The following MGAT4C variants were observed in gnomAD, a reference collection of about 807,000 sequenced individuals.
MGAT4C encodes MGAT4 family member C.
MGAT4C carries 19 observed loss-of-function variants against 40.1 expected under a neutral mutation model. The observed-to-expected ratio is 0.47, with a 90% CI of 0.33 to 0.70. The LOEUF is 0.70. MGAT4C is among the 30% of genes least tolerant of loss of function. The pLI, the probability that MGAT4C is intolerant of heterozygous loss-of-function variation, is 0.02. For missense variants in MGAT4C, 491 were observed against 563.2 expected (o/e 0.87, Z 1.30); for synonymous variants, 181 against 187.1 (o/e 0.97, Z 0.27).
At chr12:86,012,405 T>C (rs777620063) in intron 2 of MGAT4C, among the ~76,000 whole-genome samples, 6 of 152,124 alleles carry the variant, frequency 3.9e-5, no homozygotes, top group Non-Finnish European at 7.4e-5. Context: ...CAATAAGGCT[T>C]AAGCAGTTTT....
chr12:86,524,858 T>C (rs767094829), intron 2 of MGAT4C, among the ~76,000 whole-genome samples: 1 of 152,218 alleles, frequency 6.6e-6, no homozygotes, highest in African/African-American at 2.4e-5. Context: ...TCTATTTTGC[T>C]ATTAATACTT....
chr12:86,407,354 A>G (rs1311081715), intron 3 of MGAT4C, among the ~76,000 whole-genome samples: 4 of 152,112 alleles, frequency 2.6e-5, no homozygotes, highest in South Asian at 4.1e-4. Flanking sequence ...ATATTAAATT[A>G]TAATGGAGAA....
intron 2 of MGAT4C, among the ~76,000 whole-genome samples, chr12:86,025,549 A>G (rs1159731923): frequency 6.6e-6 from 1 of 151,728 alleles, no homozygotes; most frequent in Non-Finnish European, 1.5e-5. Flanking sequence ...ATAAAACAAT[A>G]TTTTTTATAT....
intron 2 of MGAT4C, among the ~76,000 whole-genome samples, chr12:86,029,939 A>G (rs1303213025): frequency 6.6e-6 from 1 of 151,882 alleles, no homozygotes; most frequent in Non-Finnish European, 1.5e-5. Flanking sequence ...AATAATAAAC[A>G]TTAAGTTTCT....
exon 3 of MGAT4C, chr12:86,435,208 T>C (rs1957115669): frequency 6.6e-6 from 1 of 151,966 alleles, no homozygotes; most frequent in Non-Finnish European, 1.5e-5. Flanking sequence ...AGCTCTTGTT[T>C]GAAAGACAGA....
chr12:86,531,877 C>G (rs1290820638), intron 2 of MGAT4C, among the ~76,000 whole-genome samples: 1 of 151,794 alleles, frequency 6.6e-6, no homozygotes, highest in Non-Finnish European at 1.5e-5. Flanking sequence ...TTTTAATAAA[C>G]ATGAAATCCC....
chr12:86,830,263 A>C (rs1344291573), intron 1 of MGAT4C, among the ~76,000 whole-genome samples: 1 of 151,140 alleles, frequency 6.6e-6, no homozygotes, highest in Admixed American at 6.6e-5. Context: ...TATGTTTCAC[A>C]CTGTCTTTCA....
intron 2 of MGAT4C, among the ~76,000 whole-genome samples, chr12:86,443,198 A>G (rs978968444): frequency 8.0e-5 from 12 of 149,914 alleles, no homozygotes; most frequent in Admixed American, 1.3e-4. Context: ...GTGTGTGTGT[A>G]TATATATACA....
intron 3 of MGAT4C, among the ~76,000 whole-genome samples, chr12:86,337,658 C>T (rs1455280114): frequency 6.7e-6 from 1 of 149,110 alleles, no homozygotes; most frequent in African/African-American, 2.5e-5. Flanking sequence ...GGTGTGAGAA[C>T]AGATAGTAGA....
chr12:86,250,514 GA>G (rs2136073885), intron 1 of MGAT4C, among the ~76,000 whole-genome samples: 1 of 19,894 alleles, frequency 5.0e-5, no homozygotes, highest in African/African-American at 1.0e-4. Context: ...TTGAAAAGCA[GA>G]GACTGTTGGT....
intron 2 of MGAT4C, among the ~76,000 whole-genome samples, chr12:86,669,060 G>A (rs759948605): frequency 6.1e-4 from 93 of 152,070 alleles, no homozygotes; most frequent in Non-Finnish European, 1.2e-3. Flanking sequence ...AACAACCCGA[G>A]CCACACCACC....
At chr12:86,377,453 C>T (rs1955851265) in intron 3 of MGAT4C, among the ~76,000 whole-genome samples, 1 of 152,106 alleles carries the variant, frequency 6.6e-6, no homozygotes, top group African/African-American at 2.4e-5. Context: ...TAGTCTTTAA[C>T]TCAAAACCAA....
chr12:86,530,808 C>A (rs1247372354), intron 2 of MGAT4C, among the ~76,000 whole-genome samples: 3 of 152,018 alleles, frequency 2.0e-5, no homozygotes, highest in African/African-American at 7.2e-5. Context: ...AATATAGCTT[C>A]TTTTCCAATC....
At chr12:86,231,007 T>A (rs1951299221) in intron 1 of MGAT4C, among the ~76,000 whole-genome samples, 2 of 152,074 alleles carry the variant, frequency 1.3e-5, no homozygotes, top group African/African-American at 4.8e-5. Context: ...GGATGCCTAC[T>A]ATAGTTGAGG....
chr12:86,270,729 G>A (rs1397542934), intron 4 of MGAT4C, among the ~76,000 whole-genome samples: 1 of 152,108 alleles, frequency 6.6e-6, no homozygotes, highest in Non-Finnish European at 1.5e-5. Flanking sequence ...ATCCTGAGCT[G>A]AAAGGACAAA....
intron 1 of MGAT4C, among the ~76,000 whole-genome samples, chr12:86,837,340 G>T (rs1953057905): frequency 6.6e-6 from 1 of 152,152 alleles, no homozygotes; most frequent in African/African-American, 2.4e-5. Context: ...TACAATCCCT[G>T]TGAGGAAAAG....
chr12:86,300,003 T>C (rs2136138292), intron 4 of MGAT4C, among the ~76,000 whole-genome samples: 1 of 152,336 alleles, frequency 6.6e-6, no homozygotes, highest in South Asian at 2.1e-4. Context: ...TAGATTTAAC[T>C]CAAACTTATC....
chr12:86,406,761 T>C (rs1162755699), intron 3 of MGAT4C, among the ~76,000 whole-genome samples: 2 of 152,024 alleles, frequency 1.3e-5, no homozygotes, highest in Non-Finnish European at 2.9e-5. Flanking sequence ...GCAACTATAC[T>C]CTGTAAAGGA....
intron 2 of MGAT4C, among the ~76,000 whole-genome samples, chr12:86,439,024 T>G (rs1434690636): frequency 6.6e-6 from 1 of 151,812 alleles, no homozygotes; most frequent in Non-Finnish European, 1.5e-5. Context: ...AACACAATGA[T>G]AGAAGCGATT....
Sources: gnomAD v4.1 joint callset for allele counts (sites outside exome capture counted in the v4.1 genomes callset) on GRCh38, gnomAD v4.1.1 for gene constraint, MANE v1.5 for transcripts, NCBI Gene and HGNC (gene_info 2026-07-23, HGNC 2026-07-21) for gene names.